Variants in AK9 observed in about 807,000 individuals in gnomAD.
AK9 encodes adenylate kinase 9, also known as adenylate kinase domain containing 1.
Under a neutral mutation model 239.6 loss-of-function variants are expected in AK9, and 191 were observed. The ratio of observed to expected loss-of-function variants is 0.80; its 90% CI spans 0.71 to 0.90. The LOEUF is 0.90. Ranked by LOEUF, AK9 falls within the 40% of genes least tolerant of loss-of-function variation. The pLI, the probability that AK9 is intolerant of heterozygous loss-of-function variation, is 0.00. For missense variants in AK9, 1,995 were observed against 2,214.7 expected (o/e 0.90, Z 1.99); for synonymous variants, 689 against 721.0 (o/e 0.96, Z 0.71).
chr6:109,495,294 T>G (rs758649068), intron 39 of AK9, 44 bp downstream of exon 39: 1 of 1,404,748 alleles, frequency 7.1e-7, no homozygotes. Context: ...GAAGAAGTCA[T>G]TGTATTCTTC....
At chr6:109,621,912 ACAAAAAAAAAAC>A (rs1562506486) in intron 12 of AK9, among the ~76,000 whole-genome samples, 1 of 37,656 alleles carries the variant, frequency 2.7e-5, no homozygotes, top group Non-Finnish European at 6.4e-5. Flanking sequence ...AAAAAAAAAA[ACAAAAAAAAAAC>A]AGAAAGAGAA....
At chr6:109,684,103 CA>C (rs1344739241) in intron 1 of AK9, among the ~76,000 whole-genome samples, 1 of 152,202 alleles carries the variant, frequency 6.6e-6, no homozygotes, top group African/African-American at 2.4e-5. Context: ...CACACATCTA[CA>C]ACCATCTGAT....
At chr6:109,670,747 G>C (rs543391805) in intron 5 of AK9, among the ~76,000 whole-genome samples, 1 of 152,048 alleles carries the variant, frequency 6.6e-6, no homozygotes, top group African/African-American at 2.4e-5. Context: ...CAAATACTAT[G>C]TTTTCTGAGG....
At chr6:109,540,601 C>A (rs1306101810) in intron 27 of AK9, among the ~76,000 whole-genome samples, 1 of 152,158 alleles carries the variant, frequency 6.6e-6, no homozygotes, top group Non-Finnish European at 1.5e-5. Context: ...GTGGGCTGCA[C>A]CCACTGTCCT....
At chr6:109,594,964 C>T (rs1446648453) in intron 17 of AK9, among the ~76,000 whole-genome samples, 1 of 152,160 alleles carries the variant, frequency 6.6e-6, no homozygotes, top group African/African-American at 2.4e-5. Context: ...GACTTCATGA[C>T]TAAAACACCA....
chr6:109,548,945 G>A (rs1783957039), intron 25 of AK9, among the ~76,000 whole-genome samples: 1 of 152,184 alleles, frequency 6.6e-6, no homozygotes, highest in Non-Finnish European at 1.5e-5. Flanking sequence ...AAGCACAAAG[G>A]TCATGGCAAC....
At chr6:109,510,267 C>T (rs529706777) in intron 32 of AK9, among the ~76,000 whole-genome samples, 21 of 152,154 alleles carry the variant, frequency 1.4e-4, no homozygotes, top group East Asian at 7.8e-4. Context: ...TGGGAGAGGA[C>T]GACCAGAGGA....
chr6:109,534,081 G>A (rs1004403473), intron 27 of AK9, among the ~76,000 whole-genome samples: 1 of 151,936 alleles, frequency 6.6e-6, no homozygotes, highest in Non-Finnish European at 1.5e-5. Context: ...AATTGTTAAT[G>A]TATGTATCCT....
intron 15 of AK9, among the ~76,000 whole-genome samples, chr6:109,613,874 T>A: frequency 6.6e-6 from 1 of 152,072 alleles, no homozygotes; most frequent in East Asian, 1.9e-4. Flanking sequence ...TTCCAATACG[T>A]TAAAGTAGAG....
chr6:109,658,579 C>A (rs1390546524), intron 7 of AK9, among the ~76,000 whole-genome samples: 2 of 151,990 alleles, frequency 1.3e-5, no homozygotes, highest in African/African-American at 4.8e-5. Context: ...AAAATACATA[C>A]CAGATTTCAA....
chr6:109,544,798 A>T (rs933546821), intron 26 of AK9, among the ~76,000 whole-genome samples: 2 of 151,076 alleles, frequency 1.3e-5, no homozygotes, highest in Non-Finnish European at 3.0e-5. Context: ...AGAAATTAAT[A>T]TTTTGAGATC....
chr6:109,565,128 C>A (rs547037693), intron 21 of AK9, among the ~76,000 whole-genome samples: 1 of 152,130 alleles, frequency 6.6e-6, no homozygotes. Context: ...AATCAAACTT[C>A]TTTTAATTTG....
At chr6:109,594,202 A>AGCATTCCT (rs1790692082) in intron 17 of AK9, among the ~76,000 whole-genome samples, 1 of 152,200 alleles carries the variant, frequency 6.6e-6, no homozygotes, top group Non-Finnish European at 1.5e-5. Context: ...AAAAATCGAA[A>AGCATTCCT]GCATTCCTAT....
intron 19 of AK9, among the ~76,000 whole-genome samples, chr6:109,582,227 A>T (rs1466831505): frequency 6.6e-6 from 1 of 152,226 alleles, no homozygotes; most frequent in African/African-American, 2.4e-5. Context: ...ATCAAAGAGT[A>T]ATTTTGACTT....
At position 109,619,210 on chromosome 6, in the gene AK9, C is replaced by T; in HGVS notation, c.1281G>A (p.Gln427=). ...GKVVDYAQLV[Q]PRFDKARETL... is the part of the protein sequence containing the mutation. ...TTTCACGGGCTTTATCAAAACGTGG[C>T]TGAACAAGTTGGGCATAGTCGACTA... Residue 427 remains glutamine, a synonymous_variant, in exon 13 of 41, where the codon CAG becomes CAA. Coordinates refer to ENST00000424296, the MANE Select transcript of AK9 (RefSeq NM_001145128.3). The T allele has an allele frequency of 1.3e-6, 2 of 1,549,542 alleles. No homozygotes were observed. Among genetic ancestry groups the T allele is most frequent in the Non-Finnish European group, 8.7e-7 (1 of 1,146,076 alleles).
intron 12 of AK9, among the ~76,000 whole-genome samples, chr6:109,622,085 GTAT>G (rs1413099578): frequency 1.4e-5 from 2 of 144,064 alleles, no homozygotes; most frequent in Non-Finnish European, 3.0e-5. Context: ...CTATATATGT[GTAT>G]TATATATTGT....
intron 12 of AK9, among the ~76,000 whole-genome samples, chr6:109,627,433 G>A (rs922101232): frequency 5.3e-5 from 8 of 152,122 alleles, no homozygotes; most frequent in Admixed American, 4.6e-4. Context: ...TTGTCATCAA[G>A]TATGACATAA....
rs532091155 is a variant in AK9, at chr6:109,506,236, T to C, written c.4849+91A>G. On this transcript the variant is annotated intron_variant, in intron 35 of 40. Transcript: ENST00000424296. ...TACTTATTAAGTCACGCCTGACTCATGTTCAAATGGAATGAATTACAGTAA... is the reference window on the plus strand; with the variant it reads ...TACTTATTAAGTCACGCCTGACTCACGTTCAAATGGAATGAATTACAGTAA... 68 of 1,177,266 alleles carry C rather than the reference T, an allele frequency of 5.8e-5. No homozygotes were observed. In the Admixed American group the frequency reaches 8.0e-4, roughly 14 times the overall value. 72.9% of individuals were successfully genotyped at this position (1,177,266 alleles called of 1,614,324 possible). A position where few individuals can be genotyped will look rare whatever the true frequency, so the allele number is the denominator to read the frequency against.
At chr6:109,644,538 T>A (rs1240036611) in intron 9 of AK9, 76 bp downstream of exon 9, 1 of 1,263,702 alleles carries the variant, frequency 7.9e-7, no homozygotes, top group Non-Finnish European at 1.1e-6. Context: ...CTTCTGTTTA[T>A]TAAAAGAAGT....
Sources: gnomAD v4.1 joint callset for allele counts (sites outside exome capture counted in the v4.1 genomes callset) on GRCh38, gnomAD v4.1.1 for gene constraint, MANE v1.5 for transcripts, NCBI Gene and HGNC (gene_info 2026-07-23, HGNC 2026-07-21) for gene names.